C1orf21: variants seen among roughly 807,000 people sequenced by gnomAD.
C1orf21 encodes chromosome 1 open reading frame 21, also known as uncharacterized protein C1orf21.
A neutral mutation model predicts 18.7 loss-of-function variants in C1orf21; 3 were observed. The ratio of observed to expected loss-of-function variants is 0.16; its 90% CI spans 0.07 to 0.42. C1orf21 has a LOEUF of 0.42. Ranked by LOEUF, C1orf21 falls within the 10% of genes least tolerant of loss-of-function variation. The probability of loss-of-function intolerance (pLI) is 0.99; values close to 1 mark genes in which losing one functional copy is unlikely to be tolerated. For synonymous variants in C1orf21, 41 were observed against 46.4 expected (o/e 0.88, Z 0.47); for missense variants, 104 against 143.6 (o/e 0.72, Z 1.41).
chr1:184,444,060 ACCTGTGTCT>A (rs1656991539), intron 1 of C1orf21, among the ~76,000 whole-genome samples: 2 of 152,108 alleles, frequency 1.3e-5, no homozygotes, highest in African/African-American at 4.8e-5. Flanking sequence ...AATTTGTGTA[ACCTGTGTCT>A]CCATGGAAGA....
chr1:184,619,830 A>G lies in C1orf21; in HGVS notation c.*274A>G, dbSNP rs2102013946. On this transcript the variant is annotated 3_prime_UTR_variant, in exon 6 of 6. Coordinates refer to ENST00000235307, the MANE Select transcript of C1orf21 (RefSeq NM_030806.4). ...TCACTTCTCTTGTGTCCAGGTATGC[A>G]GCAAAATTCTGCAATTTCACCTTAA... The G allele has an allele frequency of 3.0e-6, 1 of 335,486 alleles. No individual in the cohort carries two copies. The allele number at this position is 335,486 out of a possible 1,614,324, so 20.8% of individuals were successfully genotyped here.
intron 1 of C1orf21, among the ~76,000 whole-genome samples, chr1:184,413,591 C>G (rs138338140): frequency 2.8e-4 from 43 of 152,276 alleles, no homozygotes; most frequent in African/African-American, 1.0e-3. Context: ...CACCAGAAAA[C>G]TATGTTTCTG....
In C1orf21 at chr1:184,619,633, CGGTTCT is replaced by C; in HGVS notation, c.*78_*83del. On this transcript the variant is annotated 3_prime_UTR_variant, in exon 6 of 6. Coordinates refer to ENST00000235307, the MANE Select transcript of C1orf21 (RefSeq NM_030806.4). ...CCCCAGTTGAAATCTTTGCAAAGGTCGGTTCTATTCAGCGAACAGCACTATAGCAAA... is the reference window on the plus strand; with the variant it reads ...CCCCAGTTGAAATCTTTGCAAAGGTCATTCAGCGAACAGCACTATAGCAAA... 1 of 1,407,832 alleles carries C rather than the reference CGGTTCT, an allele frequency of 7.1e-7. No homozygotes were observed. Among genetic ancestry groups the C allele is most frequent in the Non-Finnish European group, 9.9e-7 (1 of 1,010,190 alleles). 87.2% of individuals were successfully genotyped at this position (1,407,832 alleles called of 1,614,324 possible).
intron 2 of C1orf21, among the ~76,000 whole-genome samples, chr1:184,492,994 T>C (rs1007123174): frequency 6.6e-6 from 1 of 152,218 alleles, no homozygotes; most frequent in African/African-American, 2.4e-5. Flanking sequence ...ATAGCTGTAC[T>C]CTGTTGGTCC....
chr1:184,626,249 C>G lies in C1orf21; in HGVS notation c.*6693C>G, dbSNP rs972731729. 2 of 152,230 alleles carry G rather than the reference C, an allele frequency of 1.3e-5. No homozygotes were observed. The highest frequency in any genetic ancestry group is 4.8e-5 in the African/African-American group (2 of 41,436). The allele number at this position is 152,230 out of a possible 1,614,324, so 9.4% of individuals were successfully genotyped here. On this transcript the variant is annotated 3_prime_UTR_variant, in exon 6 of 6. Transcript: ENST00000235307. ...ACCCTACAGGGGAAAGTCCTGAGTG[C>G]TGTGGGAGCATCTCACCGTGGCAGC...
intron 3 of C1orf21, among the ~76,000 whole-genome samples, chr1:184,576,849 C>G (rs993851661): frequency 1.3e-5 from 2 of 152,208 alleles, no homozygotes; most frequent in Non-Finnish European, 2.9e-5. Context: ...AACCCCAAAT[C>G]CTTAATTTGT....
At chr1:184,567,225 C>T (rs559747510) in intron 3 of C1orf21, 402 of 466,032 alleles carry the variant, frequency 8.6e-4, no homozygotes, top group Non-Finnish European at 1.5e-3. Context: ...ACATTCCATC[C>T]CCAGGAATTA....
At position 184,621,878 on chromosome 1, in the gene C1orf21, T is replaced by C. The variant is rs1016223430; in HGVS notation, c.*2322T>C. The stretch of plus-strand genomic sequence containing the variant: ...TGGATACATCTTTGATGTGCGAAAG[T>C]GAGTTCATCTTCAGACACATTTGGT... On this transcript the variant is annotated 3_prime_UTR_variant, in exon 6 of 6. Transcript: ENST00000235307. 1 of 152,206 alleles carries C rather than the reference T, an allele frequency of 6.6e-6. No individual in the cohort carries two copies. Among genetic ancestry groups the C allele is most frequent in the Non-Finnish European group, 1.5e-5 (1 of 68,048 alleles). 9.4% of individuals were successfully genotyped at this position (152,206 alleles called of 1,614,324 possible). A position where few individuals can be genotyped will look rare whatever the true frequency, so the allele number is the denominator to read the frequency against.
At chr1:184,438,597 C>G (rs1385092870) in intron 1 of C1orf21, among the ~76,000 whole-genome samples, 1 of 152,138 alleles carries the variant, frequency 6.6e-6, no homozygotes, top group African/African-American at 2.4e-5. Context: ...AGGTCTGGGG[C>G]TGGGCCAGTG....
In C1orf21 at chr1:184,403,785, T is replaced by C. The variant is rs561851476; in HGVS notation, c.-125+16417T>C. 4.6e-5 allele frequency among the ~76,000 whole-genome samples: 7 copies of C among 152,294 alleles called. No homozygotes were observed. In the South Asian group the frequency reaches 1.0e-3, roughly 23 times the overall value. On this transcript the variant is annotated intron_variant, in intron 1 of 5. Transcript: ENST00000235307. ...ACTTTTTGATTGATTGTGTTAAAGA[T>C]TGCAGATAGAAATTTCCTTTTAGTG...
intron 3 of C1orf21, among the ~76,000 whole-genome samples, chr1:184,530,411 A>T (rs1021537620): frequency 7.2e-5 from 11 of 152,092 alleles, no homozygotes; most frequent in African/African-American, 1.2e-4. Context: ...GATGACAATG[A>T]TGATGATGAC....
chr1:184,503,003 G>C (rs1658000108), intron 2 of C1orf21, among the ~76,000 whole-genome samples: 1 of 150,324 alleles, frequency 6.7e-6, no homozygotes, highest in Non-Finnish European at 1.5e-5. Context: ...ACTTGAGCCT[G>C]GGAGATGGAG....
intron 2 of C1orf21, among the ~76,000 whole-genome samples, chr1:184,487,512 C>T (rs915965424): frequency 9.9e-5 from 15 of 152,168 alleles, no homozygotes; most frequent in Non-Finnish European, 1.0e-4. Flanking sequence ...GATGCTGACT[C>T]GACTAAGGGA....
At chr1:184,529,824 C>A (rs1333051088) in intron 3 of C1orf21, among the ~76,000 whole-genome samples, 1 of 152,118 alleles carries the variant, frequency 6.6e-6, no homozygotes. Context: ...CCTTTGAATG[C>A]CATTTGGAAT....
Position 184,622,813 on chromosome 1 carries a change from C to T in C1orf21, c.*3257C>T, listed in dbSNP as rs2102015730. The T allele has an allele frequency of 6.6e-6, 1 of 152,294 alleles. No homozygotes were observed. Among genetic ancestry groups the T allele is most frequent in the East Asian group, 1.9e-4 (1 of 5,158 alleles). 9.4% of individuals were successfully genotyped at this position (152,294 alleles called of 1,614,324 possible). A position where few individuals can be genotyped will look rare whatever the true frequency, so the allele number is the denominator to read the frequency against. Reference sequence around the variant, plus strand: ...CTGGTTCTTCAGTCTTTGTACTGGCCCCATCCTCTCCTCACTGTAATGTGA... The same window carrying T: ...CTGGTTCTTCAGTCTTTGTACTGGCTCCATCCTCTCCTCACTGTAATGTGA... On this transcript the variant is annotated 3_prime_UTR_variant, in exon 6 of 6. Transcript: ENST00000235307.
At chr1:184,459,481 T>C (rs1206233846) in intron 1 of C1orf21, among the ~76,000 whole-genome samples, 3 of 152,234 alleles carry the variant, frequency 2.0e-5, no homozygotes, top group Non-Finnish European at 4.4e-5. Context: ...ACTAAATGGC[T>C]TTACTTTCTT....
At chr1:184,425,044 C>G (rs1030708959) in intron 1 of C1orf21, among the ~76,000 whole-genome samples, 1 of 152,128 alleles carries the variant, frequency 6.6e-6, no homozygotes, top group Non-Finnish European at 1.5e-5. Context: ...AAATGTCACA[C>G]CATTGGCTTT....
intron 2 of C1orf21, among the ~76,000 whole-genome samples, chr1:184,493,188 T>C (rs1032040081): frequency 6.6e-6 from 1 of 152,208 alleles, no homozygotes; most frequent in Non-Finnish European, 1.5e-5. Flanking sequence ...ATAATTAAAG[T>C]TTCTTGGTTG....
intron 3 of C1orf21, among the ~76,000 whole-genome samples, chr1:184,547,420 CTTTTTTTT>C: frequency 9.7e-6 from 1 of 102,944 alleles, no homozygotes; most frequent in African/African-American, 4.4e-5. Context: ...TACATCCAGA[CTTTTTTTT>C]TTTTTTTTTT....
Sources: gnomAD v4.1 joint callset for allele counts (sites outside exome capture counted in the v4.1 genomes callset) on GRCh38, gnomAD v4.1.1 for gene constraint, MANE v1.5 for transcripts, NCBI Gene and HGNC (gene_info 2026-07-23, HGNC 2026-07-21) for gene names.